ABLIM2: variants seen among roughly 807,000 people sequenced by gnomAD.
ABLIM2 encodes actin binding LIM protein family member 2, also known as actin-binding LIM protein 2.
ABLIM2 carries 53 observed loss-of-function variants against 97.7 expected under a neutral mutation model. The observed-to-expected ratio is 0.54, with a 90% CI of 0.44 to 0.68. ABLIM2 has a LOEUF of 0.68. ABLIM2 is among the 30% of genes least tolerant of loss of function. The pLI, the probability that ABLIM2 is intolerant of heterozygous loss-of-function variation, is 0.00. For synonymous variants in ABLIM2, 361 were observed against 345.8 expected (o/e 1.04, Z -0.49); for missense variants, 835 against 867.2 (o/e 0.96, Z 0.47).
chr4:8,084,467 C>T (rs541367759), intron 4 of ABLIM2, among the ~76,000 whole-genome samples: 3 of 152,318 alleles, frequency 2.0e-5, no homozygotes, highest in African/African-American at 7.2e-5. Flanking sequence ...CCTCTTAGCA[C>T]TACCCTTGCA....
chr4:8,153,057 T>G (rs2152960586), intron 1 of ABLIM2, among the ~76,000 whole-genome samples: 1 of 152,212 alleles, frequency 6.6e-6, no homozygotes, highest in African/African-American at 2.4e-5. Flanking sequence ...TGGGGTTGGT[T>G]GATGGCATCA....
At chr4:7,973,482 C>G (rs1213172723) in intron 20 of ABLIM2, among the ~76,000 whole-genome samples, 2 of 144,096 alleles carry the variant, frequency 1.4e-5, no homozygotes, top group African/African-American at 5.2e-5. Flanking sequence ...GTCTGGGTGA[C>G]AGAGTGAGAC....
chr4:8,073,352 G>T (rs1311453766), intron 6 of ABLIM2, among the ~76,000 whole-genome samples: 1 of 151,156 alleles, frequency 6.6e-6, no homozygotes, highest in African/African-American at 2.4e-5. Flanking sequence ...AGACAAGGCC[G>T]CTGTGTGGGC....
At position 8,148,603 on chromosome 4, in the gene ABLIM2, G is replaced by GTGCAGGGCCCCAGCA. The variant is rs1561638411; in HGVS notation, c.10+10076_10+10077insTGCTGGGGCCCTGCA. Among the ~76,000 whole-genome samples, 9 of 152,064 alleles carry GTGCAGGGCCCCAGCA rather than the reference G, an allele frequency of 5.9e-5. No individual in the cohort carries two copies. The highest frequency in any genetic ancestry group is 2.2e-4 in the African/African-American group (9 of 41,366). On this transcript the variant is annotated intron_variant, in intron 1 of 20. Coordinates refer to ENST00000447017, the MANE Select transcript of ABLIM2 (RefSeq NM_001130083.2). This position sits in a 1 kb window ranked among gnomAD's most constrained non-coding sequence, Gnocchi z 6.7. ...AAGGATTATAGGGTGAAAGCACATC[G>GTGCAGGGCCCCAGCA]CGGTGCTGGGTCCACACTGGGGAAG...
intron 1 of ABLIM2, among the ~76,000 whole-genome samples, chr4:8,129,543 T>C (rs1043313158): frequency 1.3e-5 from 2 of 152,254 alleles, no homozygotes; most frequent in African/African-American, 2.4e-5. Context: ...TGTTTAAAGA[T>C]GGTGTTTCTA....
intron 1 of ABLIM2, among the ~76,000 whole-genome samples, chr4:8,152,692 G>C (rs1325397798): frequency 6.6e-6 from 1 of 152,238 alleles, no homozygotes; most frequent in Non-Finnish European, 1.5e-5. Context: ...GATGACTGCA[G>C]GACCCATGTG....
chr4:8,113,143 G>A lies in ABLIM2; in HGVS notation c.11-6506C>T, dbSNP rs773949955. On this transcript the variant is annotated intron_variant, in intron 1 of 20. Transcript: ENST00000447017. The surrounding 1 kb of genome is among the most constrained non-coding windows in gnomAD (Gnocchi z 4.5). ...AGGGTCTCGCTCTGTCAACCAGGCT[G>A]GAGTGCAGTGGCGCAGTCTCAGCTC... Among the ~76,000 whole-genome samples, 10 of 152,188 alleles carry A rather than the reference G, an allele frequency of 6.6e-5. No individual in the cohort carries two copies. Among genetic ancestry groups the A allele is most frequent in the Non-Finnish European group, 1.5e-4 (10 of 68,028 alleles).
chr4:8,110,284 C>T (rs906012270), intron 1 of ABLIM2, among the ~76,000 whole-genome samples: 5 of 152,234 alleles, frequency 3.3e-5, no homozygotes, highest in East Asian at 1.9e-4. Context: ...GAGAGGTTCA[C>T]GCTGCTGGAA....
chr4:8,054,998 A>G lies in ABLIM2; in HGVS notation c.764-752T>C, dbSNP rs73216468. On this transcript the variant is annotated intron_variant, in intron 7 of 20. Coordinates refer to ENST00000447017, the MANE Select transcript of ABLIM2 (RefSeq NM_001130083.2). The surrounding 1 kb of genome is among the most constrained non-coding windows in gnomAD (Gnocchi z 4.9). ...ACCAAGTGCCCCCAGCATCCCTGGC[A>G]CTCTGGTCTCTACTAATTCAACCTC... Among the ~76,000 whole-genome samples the G allele has an allele frequency of 2.0e-5, 3 of 150,706 alleles. No individual in the cohort carries two copies. The highest frequency in any genetic ancestry group is 1.3e-4 in the Admixed American group (2 of 15,168).
chr4:8,039,884 T>TTTG (rs1553989748), intron 9 of ABLIM2, among the ~76,000 whole-genome samples: 13 of 143,116 alleles, frequency 9.1e-5, no homozygotes, highest in African/African-American at 3.4e-4. Flanking sequence ...GTTTTTTTTT[T>TTTG]TTTTTTTTTT....
chr4:8,080,822 A>G lies in ABLIM2; in HGVS notation c.455-20T>C. 1 of 1,593,700 alleles carries G rather than the reference A, an allele frequency of 6.3e-7. No individual in the cohort carries two copies. The highest frequency in any genetic ancestry group is 1.1e-5 in the South Asian group (1 of 89,308). ...CACAACCTGGAAGAAAGAGAAGAGA[A>G]CACAGACACCCCCACCATTGTGAGA... On this transcript the variant is annotated intron_variant, in intron 4 of 20. Coordinates refer to ENST00000447017, the MANE Select transcript of ABLIM2 (RefSeq NM_001130083.2).
chr4:8,090,311 G>A (rs1329108680), intron 3 of ABLIM2, among the ~76,000 whole-genome samples: 1 of 152,154 alleles, frequency 6.6e-6, no homozygotes, highest in Non-Finnish European at 1.5e-5. Context: ...TGTTTAACCT[G>A]GAACAAGCTA....
chr4:8,106,745 C>T, intron 1 of ABLIM2, 108 bp from the exon 2 acceptor site: 2 of 1,340,778 alleles, frequency 1.5e-6, no homozygotes, highest in Non-Finnish European at 2.0e-6. Flanking sequence ...GCGGGCCCCG[C>T]ACCCACCAGC....
intron 10 of ABLIM2, among the ~76,000 whole-genome samples, chr4:8,031,810 C>T (rs898990409): frequency 6.6e-6 from 1 of 151,712 alleles, no homozygotes; most frequent in Non-Finnish European, 1.5e-5. Flanking sequence ...CTGCAACCTC[C>T]GTCTTCCGGG....
intron 20 of ABLIM2, among the ~76,000 whole-genome samples, chr4:7,971,036 C>T (rs1056169842): frequency 5.9e-5 from 9 of 152,118 alleles, no homozygotes; most frequent in African/African-American, 2.2e-4. Flanking sequence ...GGGCTCTCCG[C>T]AGCAGGGGGT....
chr4:8,019,033 T>C lies in ABLIM2; in HGVS notation c.1423+585A>G, dbSNP rs372982428. 2.4e-4 allele frequency among the ~76,000 whole-genome samples: 37 copies of C among 152,308 alleles called. No individual in the cohort carries two copies. In the South Asian group the frequency reaches 5.8e-3, roughly 24 times the overall value. The stretch of plus-strand genomic sequence containing the variant: ...CCATGTGGCCCCGATTCCTGCTCCA[T>C]GGCCCACGCAAGCTGCTCCCTGCGC... On this transcript the variant is annotated intron_variant, in intron 14 of 20. Coordinates refer to ENST00000447017, the MANE Select transcript of ABLIM2 (RefSeq NM_001130083.2). This position sits in a 1 kb window ranked among gnomAD's most constrained non-coding sequence, Gnocchi z 4.3.
chr4:8,032,406 G>A lies in ABLIM2; in HGVS notation c.1048-2630C>T, dbSNP rs114571192. On this transcript the variant is annotated intron_variant, in intron 10 of 20. Coordinates refer to ENST00000447017, the MANE Select transcript of ABLIM2 (RefSeq NM_001130083.2). The surrounding 1 kb of genome is among the most constrained non-coding windows in gnomAD (Gnocchi z 4.3). ...ACCACGATCTGCTCAGGGTAGACCC[G>A]CGTCCCAGGCGGCCACATCCGCAGG... Among the ~76,000 whole-genome samples, 3,568 of 152,200 alleles carry A rather than the reference G, an allele frequency of 0.023. 123 individuals are homozygous for A. Among genetic ancestry groups the A allele is most frequent in the African/African-American group, 0.08 (3,317 of 41,514 alleles).
chr4:8,153,812 G>C (rs1220468456), intron 1 of ABLIM2, among the ~76,000 whole-genome samples: 1 of 152,232 alleles, frequency 6.6e-6, no homozygotes, highest in Non-Finnish European at 1.5e-5. Flanking sequence ...AAAAGGTGCA[G>C]AAGACGGAAA....
At chr4:8,093,080 C>A (rs1276822241) in intron 3 of ABLIM2, among the ~76,000 whole-genome samples, 1 of 152,138 alleles carries the variant, frequency 6.6e-6, no homozygotes, top group Admixed American at 6.6e-5. Flanking sequence ...AACTCCTGAG[C>A]TCAAGTGATC....
Sources: allele counts gnomAD v4.1 joint callset (sites outside exome capture counted in the v4.1 genomes callset), GRCh38; gene constraint gnomAD v4.1.1; non-coding constraint Gnocchi (gnomAD v3.1); transcripts MANE v1.5; gene names NCBI Gene and HGNC (gene_info 2026-07-23, HGNC 2026-07-21).